PRKAR2A: variants seen among roughly 807,000 people sequenced by gnomAD.
PRKAR2A encodes cAMP-dependent protein kinase type II-alpha regulatory subunit.
Under a neutral mutation model 51.9 loss-of-function variants are expected in PRKAR2A, and 29 were observed. The ratio of observed to expected loss-of-function variants is 0.56; its 90% confidence interval spans 0.42 to 0.76. The LOEUF (loss-of-function observed/expected upper bound fraction) is 0.76. Ranked by LOEUF, PRKAR2A falls within the 30% of genes least tolerant of loss-of-function variation. The probability of loss-of-function intolerance (pLI) is 0.00; values close to 1 mark genes in which losing one functional copy is unlikely to be tolerated. For missense variants in PRKAR2A, 445 were observed against 512.1 expected, an observed-to-expected ratio of 0.87 and a Z score of 1.26; for synonymous variants, 178 against 186.2, an observed-to-expected ratio of 0.96 and a Z score of 0.36.
chr3:48,841,543 CAAAAAAAAAA>C (rs397874491), intron 1 of PRKAR2A, among the ~76,000 whole-genome samples: 1 of 59,538 alleles, frequency 1.7e-5, no homozygotes, highest in African/African-American at 6.7e-5. Flanking sequence ...GACTCTGTCT[CAAAAAAAAAA>C]AAAAAAAAAA....
At chr3:48,760,666 TAAAAAA>T (rs534005882) in intron 8 of PRKAR2A, among the ~76,000 whole-genome samples, 1 of 106,952 alleles carries the variant, frequency 9.3e-6, no homozygotes, top group Non-Finnish European at 2.0e-5. Flanking sequence ...CTGTCTTTAC[TAAAAAA>T]AAAAAAAAAA....
chr3:48,769,823 G>C (rs1269828007), intron 6 of PRKAR2A, among the ~76,000 whole-genome samples: 1 of 152,000 alleles, frequency 6.6e-6, no homozygotes, highest in Non-Finnish European at 1.5e-5. Context: ...CACTCAGCAG[G>C]CTGGAGTGTA....
intron 8 of PRKAR2A, among the ~76,000 whole-genome samples, chr3:48,763,567 G>A (rs1051553875): frequency 6.6e-6 from 1 of 152,088 alleles, no homozygotes; most frequent in Non-Finnish European, 1.5e-5. Context: ...TCCCATTTCT[G>A]AATCTCAGCA....
intron 3 of PRKAR2A, among the ~76,000 whole-genome samples, chr3:48,791,659 C>T (rs1335863835): frequency 6.8e-6 from 1 of 145,988 alleles, no homozygotes; most frequent in Non-Finnish European, 1.5e-5. Context: ...GTAATCCCAG[C>T]ACTTTGAGAG....
chr3:48,831,408 C>T (rs2083185953), intron 1 of PRKAR2A, among the ~76,000 whole-genome samples: 1 of 132,170 alleles, frequency 7.6e-6, no homozygotes, highest in Non-Finnish European at 1.5e-5. Context: ...TTGCTCTTAT[C>T]CAGGCTAGAG....
At chr3:48,799,438 G>A (rs1000108747) in intron 2 of PRKAR2A, among the ~76,000 whole-genome samples, 1 of 151,976 alleles carries the variant, frequency 6.6e-6, no homozygotes, top group Non-Finnish European at 1.5e-5. Flanking sequence ...AATCACATTG[G>A]GGTTAGGACT....
chr3:48,818,263 A>T (rs1288731275), intron 1 of PRKAR2A, among the ~76,000 whole-genome samples: 1 of 152,224 alleles, frequency 6.6e-6, no homozygotes, highest in Non-Finnish European at 1.5e-5. Context: ...CCAAAAGCCG[A>T]AGAGCTGCCC....
At position 48,829,780 on chromosome 3, in the gene PRKAR2A, G is replaced by T. The variant is rs182500006; in HGVS notation, c.262+17555C>A. On this transcript the variant is annotated intron_variant, in intron 1 of 10. Transcript: ENST00000265563. ...TATATACATACGTATATATACGCAT[G>T]TATATAAAATATATGCGTATATATA... 7.0e-3 allele frequency among the ~76,000 whole-genome samples: 859 copies of T among 123,580 alleles called. 9 individuals carry two copies. The highest frequency in any genetic ancestry group is 0.025 in the African/African-American group (817 of 33,264). The allele number at this position is 123,580 out of a possible 152,430, so 81.1% of individuals were successfully genotyped here. A position where few individuals can be genotyped will look rare whatever the true frequency, so the allele number is the denominator to read the frequency against.
chr3:48,830,573 C>A (rs2107439222), intron 1 of PRKAR2A, among the ~76,000 whole-genome samples: 1 of 152,216 alleles, frequency 6.6e-6, no homozygotes, highest in Middle Eastern at 3.4e-3. Context: ...CAGTCCCCAA[C>A]CTTTTTGGCA....
chr3:48,825,028 C>CTTTTTTTTTTGTTTTTTTTTTTTT (rs2083037258), intron 1 of PRKAR2A, among the ~76,000 whole-genome samples: 1 of 74,688 alleles, frequency 1.3e-5, no homozygotes. Flanking sequence ...ATTTTCTTTT[C>CTTTTTTTTTTGTTTTTTTTTTTTT]TTTTTTTTTT....
chr3:48,775,504 TAAA>T (rs768287836), intron 5 of PRKAR2A, among the ~76,000 whole-genome samples: 1 of 124,830 alleles, frequency 8.0e-6, no homozygotes, highest in African/African-American at 3.0e-5. Flanking sequence ...CAATAATGGC[TAAA>T]AAAAAAAAAA....
At chr3:48,791,508 C>T (rs2082385483) in intron 3 of PRKAR2A, among the ~76,000 whole-genome samples, 1 of 142,130 alleles carries the variant, frequency 7.0e-6, no homozygotes, top group Admixed American at 7.7e-5. Flanking sequence ...GTAGGAGAAT[C>T]GTCTGAACCA....
At chr3:48,813,680 C>T (rs546149558) in intron 1 of PRKAR2A, among the ~76,000 whole-genome samples, 7 of 151,646 alleles carry the variant, frequency 4.6e-5, no homozygotes, top group Admixed American at 3.9e-4. Flanking sequence ...GGCAACAGAG[C>T]GAGACTCCAT....
chr3:48,817,224 G>A (rs2082888120), intron 1 of PRKAR2A, among the ~76,000 whole-genome samples: 1 of 152,032 alleles, frequency 6.6e-6, no homozygotes, highest in African/African-American at 2.4e-5. Context: ...CGATTCGGGA[G>A]GCTGAGGCAG....
chr3:48,831,682 T>C (rs1357464246), intron 1 of PRKAR2A, among the ~76,000 whole-genome samples: 1 of 152,132 alleles, frequency 6.6e-6, no homozygotes, highest in Non-Finnish European at 1.5e-5. Flanking sequence ...AGTAGCTCAA[T>C]CTTGGCTCAC....
chr3:48,816,551 T>C (rs914354663), intron 1 of PRKAR2A, among the ~76,000 whole-genome samples: 4 of 152,022 alleles, frequency 2.6e-5, no homozygotes, highest in Non-Finnish European at 4.4e-5. Context: ...GGCAGGAGAA[T>C]TGCTTGAACC....
At chr3:48,829,582 GTGTGTATA>G (rs2083134722) in intron 1 of PRKAR2A, among the ~76,000 whole-genome samples, 1 of 33,128 alleles carries the variant, frequency 3.0e-5, no homozygotes, top group Admixed American at 3.9e-4. Flanking sequence ...AAATATATAT[GTGTGTATA>G]TATACACACA....
chr3:48,813,812 A>C (rs2082823329), intron 1 of PRKAR2A, among the ~76,000 whole-genome samples: 1 of 152,176 alleles, frequency 6.6e-6, no homozygotes, highest in African/African-American at 2.4e-5. Context: ...ATCCTAAGTA[A>C]AGCCAGATAA....
Position 48,847,675 on chromosome 3 carries a change from C to G in PRKAR2A, c.-79G>C. The G allele has an allele frequency of 7.4e-7, 1 of 1,346,086 alleles. No individual in the cohort carries two copies. 83.4% of individuals were successfully genotyped at this position (1,346,086 alleles called of 1,614,324 possible). A position where few individuals can be genotyped will look rare whatever the true frequency, so the allele number is the denominator to read the frequency against. ...CGCGCTCACTCACGCCGGCCTTTCGCTCCGCGCCCGCGAGGTCTCTTCGCG... is the reference window on the plus strand; with the variant it reads ...CGCGCTCACTCACGCCGGCCTTTCGGTCCGCGCCCGCGAGGTCTCTTCGCG... On this transcript the variant is annotated 5_prime_UTR_variant, in exon 1 of 11. Transcript: ENST00000265563. The surrounding 1 kb of genome is among the most constrained non-coding windows in gnomAD (Gnocchi z 4.4).
Sources: allele counts gnomAD v4.1 joint callset (sites outside exome capture counted in the v4.1 genomes callset), GRCh38; gene constraint gnomAD v4.1.1; non-coding constraint Gnocchi (gnomAD v3.1); transcripts MANE v1.5; gene names NCBI Gene and HGNC (gene_info 2026-07-23, HGNC 2026-07-21).